BMPR1A: variants seen among roughly 807,000 people sequenced by gnomAD.
BMPR1A encodes the protein bone morphogenetic protein receptor type-1A.
BMPR1A carries 7 observed loss-of-function variants against 66.0 expected under a neutral mutation model. The observed-to-expected ratio is 0.11, with a 90% CI of 0.06 to 0.20. The LOEUF is 0.20. BMPR1A is among the 10% of genes least tolerant of loss of function. BMPR1A has a pLI of 1.00. For missense variants in BMPR1A, 408 were observed against 669.1 expected, an observed-to-expected ratio of 0.61 and a Z score of 4.31; for synonymous variants, 200 against 229.7, an observed-to-expected ratio of 0.87 and a Z score of 1.17.
intron 7 of BMPR1A, among the ~76,000 whole-genome samples, chr10:86,901,640 A>C (rs537268444): frequency 6.6e-6 from 1 of 152,322 alleles, no homozygotes; most frequent in East Asian, 1.9e-4. Flanking sequence ...TAGATAAAGA[A>C]GTTTAAAACT....
rs1564685626 is a variant in BMPR1A at position 86,790,221 on chromosome 10, ATATATATATATAT to A, written c.-268+33303_-268+33315del. 1.6e-3 allele frequency among the ~76,000 whole-genome samples: 165 copies of A among 102,170 alleles called. 24 individuals are homozygous for A. The highest frequency in any genetic ancestry group is 5.4e-3 in the African/African-American group (141 of 25,880). The allele number at this position is 102,170 out of a possible 152,430, so 67.0% of individuals were successfully genotyped here. The stretch of plus-strand genomic sequence containing the variant: ...TATATATATATATATATATATATAT[ATATATATATATAT>A]ATCAAAACCACAATGAGATTCTGCT... On this transcript the variant is annotated intron_variant, in intron 1 of 12. Coordinates refer to ENST00000372037, the MANE Select transcript of BMPR1A (RefSeq NM_004329.3).
chr10:86,921,035 A>G lies in BMPR1A; in HGVS notation c.1167-485A>G, dbSNP rs1373620485. On this transcript the variant is annotated intron_variant, in intron 10 of 12. Transcript: ENST00000372037. ...CAACCCTGGTTAACTTTTGTATTTT[A>G]TAGAGACAGTGTTTTACCATGTTGG... Among the ~76,000 whole-genome samples the G allele has an allele frequency of 2.0e-5, 3 of 151,710 alleles. No individual in the cohort carries two copies. The East Asian group carries it at 5.8e-4, about 29-fold the overall frequency.
chr10:86,862,790 TAAAA>T (rs535845301), intron 2 of BMPR1A, among the ~76,000 whole-genome samples: 1 of 138,822 alleles, frequency 7.2e-6, no homozygotes, highest in Non-Finnish European at 1.6e-5. Flanking sequence ...ATTCTAAAAA[TAAAA>T]AAAAAAAGAT....
downstream of BMPR1A, chr10:86,928,440 T>A (rs1240332809): frequency 6.6e-6 from 1 of 151,632 alleles, no homozygotes; most frequent in Non-Finnish European, 1.5e-5. Flanking sequence ...GCCAGGCTGG[T>A]CTCGAACTCC....
chr10:86,804,539 G>C (rs1841858921), intron 1 of BMPR1A, among the ~76,000 whole-genome samples: 1 of 152,064 alleles, frequency 6.6e-6, no homozygotes, highest in Admixed American at 6.6e-5. Flanking sequence ...AGCCACACAT[G>C]ATTTTCTTTA....
At chr10:86,771,718 G>C (rs1393080966) in intron 1 of BMPR1A, among the ~76,000 whole-genome samples, 1 of 152,200 alleles carries the variant, frequency 6.6e-6, no homozygotes, top group African/African-American at 2.4e-5. Context: ...ACGTGGTAGA[G>C]ATTTTCCACA....
chr10:86,792,897 T>C (rs1198487364), intron 1 of BMPR1A, among the ~76,000 whole-genome samples: 1 of 152,216 alleles, frequency 6.6e-6, no homozygotes, highest in Non-Finnish European at 1.5e-5. Flanking sequence ...TTTCCCTATA[T>C]ATAAATGGGA....
intron 2 of BMPR1A, among the ~76,000 whole-genome samples, chr10:86,850,419 A>C (rs1294002227): frequency 6.6e-6 from 1 of 152,030 alleles, no homozygotes; most frequent in African/African-American, 2.4e-5. Context: ...GGTCTTATCT[A>C]CTGCTTTTCA....
intron 1 of BMPR1A, among the ~76,000 whole-genome samples, chr10:86,828,491 A>ATAGC (rs1203207504): frequency 6.6e-6 from 1 of 152,240 alleles, no homozygotes; most frequent in East Asian, 1.9e-4. Context: ...TCTGAAACAA[A>ATAGC]TAGCAGCATG....
chr10:86,784,012 T>C (rs1168681345), intron 1 of BMPR1A, among the ~76,000 whole-genome samples: 1 of 152,234 alleles, frequency 6.6e-6, no homozygotes, highest in East Asian at 1.9e-4. Flanking sequence ...TCTAACAGTT[T>C]TTTTGTGAAA....
At chr10:86,816,703 A>G (rs1842038981) in intron 1 of BMPR1A, among the ~76,000 whole-genome samples, 1 of 152,236 alleles carries the variant, frequency 6.6e-6, no homozygotes, top group East Asian at 1.9e-4. Context: ...GAATGGCTTC[A>G]GGAAAGAGAT....
intron 1 of BMPR1A, among the ~76,000 whole-genome samples, chr10:86,800,474 C>G (rs1471024349): frequency 6.6e-6 from 1 of 152,172 alleles, no homozygotes; most frequent in Non-Finnish European, 1.5e-5. Flanking sequence ...TCACCGCAAC[C>G]TCCGCCTCCC....
chr10:86,866,060 C>A (rs1387457056), intron 2 of BMPR1A, among the ~76,000 whole-genome samples: 1 of 152,112 alleles, frequency 6.6e-6, no homozygotes, highest in Non-Finnish European at 1.5e-5. Context: ...ACAGGAACAG[C>A]GAACCAAATT....
intron 2 of BMPR1A, among the ~76,000 whole-genome samples, chr10:86,846,585 T>C (rs7893140): frequency 0.52 from 79,307 of 151,808 alleles, 22,840 homozygotes; most frequent in African/African-American, 0.76. Flanking sequence ...CCTGTAATCC[T>C]AGCTACTCGG....
chr10:86,868,982 T>A lies in BMPR1A; in HGVS notation c.-152-6885T>A, dbSNP rs1057074940. On this transcript the variant is annotated intron_variant, in intron 2 of 12. Transcript: ENST00000372037. ...TTAGATGCCCATTTCGTCTAACTAT[T>A]CAATAGCTTTTAAATGGCAGCATGA... 1.1e-4 allele frequency among the ~76,000 whole-genome samples: 17 copies of A among 152,206 alleles called. 1 individual carries two copies. The highest frequency in any genetic ancestry group is 3.6e-4 in the African/African-American group (15 of 41,448).
At chr10:86,888,734 G>A (rs569790524) in intron 3 of BMPR1A, among the ~76,000 whole-genome samples, 1 of 151,638 alleles carries the variant, frequency 6.6e-6, no homozygotes, top group South Asian at 2.1e-4. Context: ...GGCTGAGGTG[G>A]GAGGATCACT....
intron 1 of BMPR1A, among the ~76,000 whole-genome samples, chr10:86,790,196 T>A (rs1293647759): frequency 0.045 from 456 of 10,230 alleles, 61 homozygotes; most frequent in East Asian, 0.18. Context: ...AAAATATATA[T>A]ATATATATAT....
chr10:86,847,794 C>T (rs936503904), intron 2 of BMPR1A, among the ~76,000 whole-genome samples: 2 of 152,086 alleles, frequency 1.3e-5, no homozygotes, highest in Admixed American at 6.6e-5. Flanking sequence ...ACCCTTCACC[C>T]CATTGCCCTC....
downstream of BMPR1A, chr10:86,931,180 G>C (rs1843803722): frequency 2.0e-5 from 3 of 148,610 alleles, no homozygotes; most frequent in African/African-American, 7.5e-5. Context: ...GGCGGAGGTT[G>C]CAGTGAGCTG....
Sources: allele counts gnomAD v4.1 joint callset (sites outside exome capture counted in the v4.1 genomes callset), GRCh38; gene constraint gnomAD v4.1.1; transcripts MANE v1.5; gene names NCBI Gene and HGNC (gene_info 2026-07-23, HGNC 2026-07-21).